Variants in CPNE8 observed in about 807,000 individuals in gnomAD.
The protein encoded by CPNE8 is copine-8.
Under a neutral mutation model 81.5 loss-of-function variants are expected in CPNE8, and 45 were observed. The ratio of observed to expected loss-of-function variants is 0.55; its 90% CI spans 0.44 to 0.71. The LOEUF (loss-of-function observed/expected upper bound fraction) is 0.71. Among genes scored for constraint, CPNE8 ranks in the 30% least tolerant of loss-of-function variants. The pLI is 0.00. For synonymous variants in CPNE8, 252 were observed against 226.3 expected (o/e 1.11, Z -1.02); for missense variants, 594 against 672.1 (o/e 0.88, Z 1.28).
chr12:38,773,279 T>A (rs868538973), intron 7 of CPNE8, among the ~76,000 whole-genome samples: 2 of 152,130 alleles, frequency 1.3e-5, no homozygotes, highest in Admixed American at 6.5e-5. Context: ...GCACTGTATA[T>A]TTAAAAATCT....
At chr12:38,768,031 T>C (rs1282596763) in intron 7 of CPNE8, among the ~76,000 whole-genome samples, 1 of 152,072 alleles carries the variant, frequency 6.6e-6, no homozygotes, top group Non-Finnish European at 1.5e-5. Flanking sequence ...TTTTATAATA[T>C]AGGATCCTCA....
At chr12:38,669,587 G>A (rs1022555040) in intron 19 of CPNE8, among the ~76,000 whole-genome samples, 2 of 152,100 alleles carry the variant, frequency 1.3e-5, no homozygotes, top group African/African-American at 4.8e-5. Context: ...GGCAAACACG[G>A]CCACTTTAAG....
intron 6 of CPNE8, among the ~76,000 whole-genome samples, chr12:38,795,892 G>GATAGATAGATAT (rs1565620234): frequency 6.6e-6 from 1 of 152,108 alleles, no homozygotes; most frequent in South Asian, 2.1e-4. Context: ...TAGATAGATA[G>GATAGATAGATAT]ATAGATAGAA....
Position 38,730,292 on chromosome 12 carries a change from G to C in CPNE8, c.789C>G (p.Asn263Lys). ...ATAAAATGCCTCTTACCTCATATAC[G>C]TTGAATTGTGACTGCCCTCTAGAAA... ...RELSRGQSQF[N>K]VYEVVNPKKK... is the part of the protein sequence containing the mutation. Residue 263 changes from asparagine (N) to lysine (K), a missense_variant, in exon 11 of 20, where the codon AAC (asparagine) becomes AAG (lysine). Asn to Lys is a moderately conservative substitution (Grantham distance 94). Coordinates refer to ENST00000331366, the MANE Select transcript of CPNE8 (RefSeq NM_153634.3). 6.4e-7 allele frequency: 1 copy of C among 1,571,066 alleles called. No homozygotes were observed. The highest frequency in any genetic ancestry group is 1.3e-5 in the African/African-American group (1 of 74,124).
At chr12:38,724,521 A>G (rs1215393020) in intron 12 of CPNE8, among the ~76,000 whole-genome samples, 1 of 152,092 alleles carries the variant, frequency 6.6e-6, no homozygotes, top group Non-Finnish European at 1.5e-5. Flanking sequence ...TCTTACTACC[A>G]CTTGTGTTTT....
At chr12:38,839,091 T>C (rs774435305) in intron 5 of CPNE8, among the ~76,000 whole-genome samples, 3 of 152,172 alleles carry the variant, frequency 2.0e-5, no homozygotes, top group Non-Finnish European at 2.9e-5. Context: ...TCTACATCTG[T>C]GTACCCAGAT....
In CPNE8 at chr12:38,832,728, G is replaced by A. The variant is rs570913211; in HGVS notation, c.331-3273C>T. On this transcript the variant is annotated intron_variant, in intron 5 of 19. Coordinates refer to ENST00000331366, the MANE Select transcript of CPNE8 (RefSeq NM_153634.3). The stretch of plus-strand genomic sequence containing the variant: ...GTATTTTTAGTAGAGACAGGGTTTC[G>A]CCATGTTGGCCAGGATGGTCTCGAA... 4.1e-4 allele frequency among the ~76,000 whole-genome samples: 62 copies of A among 152,046 alleles called. 1 individual carries two copies. The East Asian group carries it at 0.011, about 27-fold the overall frequency.
At chr12:38,771,039 T>A (rs1941789137) in intron 7 of CPNE8, among the ~76,000 whole-genome samples, 1 of 152,186 alleles carries the variant, frequency 6.6e-6, no homozygotes. Context: ...GTACTGTTTT[T>A]TTCTTGCCAT....
Position 38,880,507 on chromosome 12 carries a change from T to C in CPNE8, c.99-5996A>G, listed in dbSNP as rs1944136856. On this transcript the variant is annotated intron_variant, in intron 1 of 19. Coordinates refer to ENST00000331366, the MANE Select transcript of CPNE8 (RefSeq NM_153634.3). ...GGCCTTTGCTCTAATAGGTAATCCA[T>C]TAACTGAAAATCCCTGAGAGTGACA... Among the ~76,000 whole-genome samples the C allele has an allele frequency of 2.0e-5, 3 of 152,328 alleles. No homozygotes were observed. The Middle Eastern group carries it at 0.01, about 518-fold the overall frequency.
chr12:38,697,188 G>T (rs1421323296), intron 14 of CPNE8, among the ~76,000 whole-genome samples: 2 of 152,114 alleles, frequency 1.3e-5, no homozygotes, highest in African/African-American at 4.8e-5. Context: ...TACCACCCTA[G>T]CCCTAAATAA....
At chr12:38,682,265 A>G (rs980436460) in intron 16 of CPNE8, among the ~76,000 whole-genome samples, 1 of 152,128 alleles carries the variant, frequency 6.6e-6, no homozygotes, top group Non-Finnish European at 1.5e-5. Context: ...TTTGTTAATT[A>G]AAATGAACTC....
chr12:38,719,497 G>T (rs1217460749), intron 13 of CPNE8, among the ~76,000 whole-genome samples: 1 of 151,342 alleles, frequency 6.6e-6, no homozygotes, highest in Non-Finnish European at 1.5e-5. Flanking sequence ...CAGCTACTCG[G>T]GAGGCTGAGG....
intron 15 of CPNE8, among the ~76,000 whole-genome samples, chr12:38,692,223 A>T (rs959749644): frequency 1.3e-5 from 2 of 152,096 alleles, no homozygotes; most frequent in Non-Finnish European, 2.9e-5. Flanking sequence ...GGGGAGGCAG[A>T]GGTTGCAGTG....
chr12:38,761,911 C>CAATG (rs759259839), intron 9 of CPNE8, among the ~76,000 whole-genome samples: 10 of 152,198 alleles, frequency 6.6e-5, no homozygotes, highest in Non-Finnish European at 1.3e-4. Flanking sequence ...AGGCTTAGGG[C>CAATG]AATGAAGATT....
At chr12:38,821,095 C>T (rs915396584) in intron 6 of CPNE8, among the ~76,000 whole-genome samples, 8 of 152,100 alleles carry the variant, frequency 5.3e-5, no homozygotes, top group Non-Finnish European at 1.2e-4. Flanking sequence ...TGAAAAAAAT[C>T]GTAAATTTTC....
At chr12:38,730,232 C>A in intron 11 of CPNE8, 51 bp downstream of exon 11, 1 of 1,098,746 alleles carries the variant, frequency 9.1e-7, no homozygotes, top group Middle Eastern at 2.0e-4. Flanking sequence ...TTTTAAAGCA[C>A]AGATTTATTT....
intron 13 of CPNE8, chr12:38,720,795 C>A (rs1940541863): frequency 6.6e-6 from 1 of 152,208 alleles, no homozygotes; most frequent in Admixed American, 6.5e-5. Flanking sequence ...GGAGCTCTGC[C>A]TTTTCCGAGT....
At chr12:38,807,937 G>A (rs1170950047) in intron 6 of CPNE8, among the ~76,000 whole-genome samples, 1 of 151,598 alleles carries the variant, frequency 6.6e-6, no homozygotes, top group Non-Finnish European at 1.5e-5. Flanking sequence ...CAAAAAGTGG[G>A]CAAAGGATAT....
At chr12:38,829,074 G>C (rs1943244827) in intron 6 of CPNE8, among the ~76,000 whole-genome samples, 1 of 152,096 alleles carries the variant, frequency 6.6e-6, no homozygotes, top group African/African-American at 2.4e-5. Flanking sequence ...TAACCCAAAA[G>C]AGTAAAATCT....
Sources: gnomAD v4.1 joint callset for allele counts (sites outside exome capture counted in the v4.1 genomes callset) on GRCh38, gnomAD v4.1.1 for gene constraint, MANE v1.5 for transcripts, NCBI Gene and HGNC (gene_info 2026-07-23, HGNC 2026-07-21) for gene names.